Variants in PZP observed in about 807,000 individuals in gnomAD.
PZP encodes the protein PZP alpha-2-macroglobulin like.
Under a neutral mutation model 179.8 loss-of-function variants are expected in PZP, and 150 were observed. That is an observed-to-expected ratio of 0.83 (90% CI 0.73 to 0.96). The LOEUF (loss-of-function observed/expected upper bound fraction) is 0.96, where lower values mean the gene tolerates loss of function less well. Among genes scored for constraint, PZP ranks in the 40% least tolerant of loss-of-function variants. PZP has a pLI of 0.00. For synonymous variants in PZP, 624 were observed against 652.3 expected, an observed-to-expected ratio of 0.96 and a Z score of 0.66; for missense variants, 1,689 against 1,764.0, an observed-to-expected ratio of 0.96 and a Z score of 0.76.
At position 9,150,329 on chromosome 12, in the gene PZP, C is replaced by T. The variant is rs140146945; in HGVS notation, c.4384+315G>A. Among the ~76,000 whole-genome samples the T allele has an allele frequency of 1.5e-3, 226 of 152,270 alleles. 1 individual carries two copies. The highest frequency in any genetic ancestry group is 5.4e-3 in the African/African-American group (223 of 41,556). ...ACGGAGTCTCGCACCGTCACCTGGG[C>T]TGGAGTGCAATGGCGTGATCTCAGC... On this transcript the variant is annotated intron_variant, in intron 34 of 35. Coordinates refer to ENST00000261336, the MANE Select transcript of PZP (RefSeq NM_002864.3).
intron 15 of PZP, among the ~76,000 whole-genome samples, chr12:9,180,045 A>G (rs1350856963): frequency 6.6e-6 from 1 of 152,222 alleles, no homozygotes; most frequent in Non-Finnish European, 1.5e-5. Flanking sequence ...GAAAACCTAT[A>G]TGAGACAGCT....
chr12:9,145,706 T>C (rs1320319371), downstream of PZP, among the ~76,000 whole-genome samples: 1 of 152,220 alleles, frequency 6.6e-6, no homozygotes, highest in African/African-American at 2.4e-5. Flanking sequence ...AAACTCTCTT[T>C]AGCATTTCTG....
At chr12:9,192,076 C>T (rs1272856968) in intron 13 of PZP, 117 bp downstream of exon 13, 20 of 824,294 alleles carry the variant, frequency 2.4e-5, no homozygotes, top group Admixed American at 6.6e-5. Flanking sequence ...TATTTTCCTG[C>T]GTGTCCTCCT....
chr12:9,167,918 A>G (rs1393370733), intron 17 of PZP, among the ~76,000 whole-genome samples: 2 of 152,126 alleles, frequency 1.3e-5, no homozygotes, highest in East Asian at 3.9e-4. Context: ...TCTCAGTTAC[A>G]AGACAAAATC....
chr12:9,176,508 AAAAAT>A (rs1168469094), intron 15 of PZP, among the ~76,000 whole-genome samples: 1 of 152,248 alleles, frequency 6.6e-6, no homozygotes, highest in Non-Finnish European at 1.5e-5. Flanking sequence ...TATTCAAAAT[AAAAAT>A]AAAAGAACCA....
Position 9,197,112 on chromosome 12 carries a change from C to A in PZP, c.767G>T (p.Gly256Val). The A allele has an allele frequency of 6.2e-7, 1 of 1,608,136 alleles. No individual in the cohort carries two copies. The highest frequency in any genetic ancestry group is 8.5e-7 in the Non-Finnish European group (1 of 1,175,174). ...NITVCGEYTY[G>V]KPVPGLATVS... ...AGTTGCAAGTCCTGGGACAGGCTTC[C>A]CATAAGTGTATCTGGTACATGAGAA... The change falls in exon 8 of 36, where the codon GGG becomes GTG. Residue 256 changes from glycine (G) to valine (V), a missense_variant. Transcript: ENST00000261336.
chr12:9,138,076 G>T, the PZP span, among the ~76,000 whole-genome samples: 1 of 151,976 alleles, frequency 6.6e-6, no homozygotes, highest in Non-Finnish European at 1.5e-5. Flanking sequence ...TGGCAAGAGT[G>T]GGCATCATTG....
chr12:9,197,455 T>C, intron 7 of PZP, among the ~76,000 whole-genome samples: 1 of 132,310 alleles, frequency 7.6e-6, no homozygotes, highest in East Asian at 2.1e-4. Context: ...TGCTTAATAA[T>C]ATATAATAAT....
chr12:9,143,651 T>C, the PZP span, among the ~76,000 whole-genome samples: 1 of 152,234 alleles, frequency 6.6e-6, no homozygotes, highest in East Asian at 1.9e-4. Flanking sequence ...GGTTATAAAG[T>C]TGTCAAGGTC....
At chr12:9,158,306 C>G in intron 26 of PZP, 114 bp downstream of exon 26, 1 of 1,409,148 alleles carries the variant, frequency 7.1e-7, no homozygotes, top group Non-Finnish European at 9.8e-7. Context: ...TGATGCCATC[C>G]CACATCATCC....
chr12:9,142,988 T>C, the PZP span, among the ~76,000 whole-genome samples: 1 of 152,174 alleles, frequency 6.6e-6, no homozygotes, highest in Non-Finnish European at 1.5e-5. Context: ...TTCAGTTGAC[T>C]GGGAAAAAAC....
In PZP at chr12:9,160,474, A is replaced by T. The variant is rs1481842703; in HGVS notation, c.2889T>A (p.Ser963=). 6.2e-7 allele frequency: 1 copy of T among 1,613,486 alleles called. No individual in the cohort carries two copies. The highest frequency in any genetic ancestry group is 1.7e-5 in the Admixed American group (1 of 59,900). ...GGAGATTTTGTATATTTTGCATAGC[A>T]GAACCTAATATGTCACCTGGGGAAT... ...SFSVLGDILG[S]AMQNIQNLLQ... Residue 963 remains serine (S), a synonymous_variant, in exon 24 of 36, where the codon TCT becomes TCA. Transcript: ENST00000261336.
chr12:9,189,600 G>A (rs1943335079), intron 13 of PZP, among the ~76,000 whole-genome samples: 1 of 152,152 alleles, frequency 6.6e-6, no homozygotes. Context: ...TCATGAAGAA[G>A]ACACTAAAAA....
At chr12:9,169,279 G>A (rs893574218) in intron 16 of PZP, 151 bp downstream of exon 16, 51 of 786,368 alleles carry the variant, frequency 6.5e-5, no homozygotes, top group African/African-American at 6.2e-4. Flanking sequence ...ATCCTCACAA[G>A]AGACTTTAAC....
At position 9,159,937 on chromosome 12, in the gene PZP, C is replaced by A. The variant is rs767438788; in HGVS notation, c.3137+1G>T. 27 of 1,607,750 alleles carry A rather than the reference C, an allele frequency of 1.7e-5. No individual in the cohort carries two copies. The highest frequency in any genetic ancestry group is 2.2e-5 in the Non-Finnish European group (26 of 1,174,490). On this transcript the variant is annotated splice_donor_variant, in intron 25 of 35. Transcript: ENST00000261336. LOFTEE classifies it high-confidence loss of function. Reference sequence around the variant, plus strand: ...AACTCAGAATAGATTTTCTTTCTTACCAAGTGTTGCCCTGGTTCCTGCCAT... The same window carrying A: ...AACTCAGAATAGATTTTCTTTCTTAACAAGTGTTGCCCTGGTTCCTGCCAT...
rs369841979 is a variant in PZP, at chr12:9,154,730, G to A, written c.3660C>T (p.Leu1220=). The change falls in exon 29 of 36, where the codon CTC becomes CTT. Residue 1220 remains leucine, a synonymous_variant. Coordinates refer to ENST00000261336, the MANE Select transcript of PZP (RefSeq NM_002864.3). ...AEVEMTSYVL[L]AYLTAQPAPT... The stretch of plus-strand genomic sequence containing the variant: ...GGGCTGGCTGGGCCGTGAGATAAGC[G>A]AGGAGCACATAGGATGTCATCTCCA... 11 of 1,613,970 alleles carry A rather than the reference G, an allele frequency of 6.8e-6. No homozygotes were observed. The highest frequency in any genetic ancestry group is 2.2e-5 in the South Asian group (2 of 91,066).
chr12:9,192,384 G>T (rs1943508387), intron 12 of PZP, 128 bp from the exon 13 acceptor site: 2 of 1,278,674 alleles, frequency 1.6e-6, no homozygotes, highest in Non-Finnish European at 2.2e-6. Flanking sequence ...AAAACTCATG[G>T]AATGAAGGAC....
rs137948908 is a variant in PZP at position 9,183,026 on chromosome 12, CAG to C, written c.1547-911_1547-910del. 2.9e-3 allele frequency among the ~76,000 whole-genome samples: 444 copies of C among 152,254 alleles called. 2 individuals are homozygous for C. Among genetic ancestry groups the C allele is most frequent in the Middle Eastern group, 6.8e-3 (2 of 294 alleles). ...TGCAGTTAGACAATACATAGGATAA[CAG>C]AGTCTCTCGACATTGTTGAAACTCA... On this transcript the variant is annotated intron_variant, in intron 13 of 35. Coordinates refer to ENST00000261336, the MANE Select transcript of PZP (RefSeq NM_002864.3).
the PZP span, among the ~76,000 whole-genome samples, chr12:9,139,690 G>C: frequency 6.6e-6 from 1 of 151,874 alleles, no homozygotes; most frequent in Non-Finnish European, 1.5e-5. Context: ...TTTCCCTTTT[G>C]GTCTCTTGTA....
Sources: gnomAD v4.1 joint callset for allele counts (sites outside exome capture counted in the v4.1 genomes callset) on GRCh38, gnomAD v4.1.1 for gene constraint, MANE v1.5 for transcripts, NCBI Gene and HGNC (gene_info 2026-07-23, HGNC 2026-07-21) for gene names.